Variants in VWA8 observed in about 807,000 individuals in gnomAD.
VWA8 encodes von Willebrand factor A domain-containing protein 8.
In VWA8, 221 loss-of-function variants were observed where a neutral mutation model predicts 241.5. The observed-to-expected ratio is 0.91, with a 90% confidence interval of 0.82 to 1.02. The LOEUF (loss-of-function observed/expected upper bound fraction) is 1.02, where lower values mean the gene tolerates loss of function less well. Among genes scored for constraint, VWA8 ranks in the 50% least tolerant of loss-of-function variants. The pLI is 0.00. For synonymous variants in VWA8, 852 were observed against 827.1 expected (o/e 1.03, Z -0.52); for missense variants, 2,322 against 2,328.7 (o/e 1.00, Z 0.06).
intron 21 of VWA8, among the ~76,000 whole-genome samples, chr13:41,737,783 A>G (rs993235305): frequency 2.0e-5 from 3 of 152,180 alleles, no homozygotes; most frequent in Non-Finnish European, 4.4e-5. Context: ...TTGTATTCGT[A>G]AGGTATAACA....
At chr13:41,670,330 AT>A (rs2137798201) in intron 37 of VWA8, among the ~76,000 whole-genome samples, 1 of 151,218 alleles carries the variant, frequency 6.6e-6, no homozygotes, top group Admixed American at 6.6e-5. Flanking sequence ...CAGCAACTAG[AT>A]TGATTAGATG....
At chr13:41,828,653 TAC>T (rs1455405398) in intron 14 of VWA8, among the ~76,000 whole-genome samples, 1 of 152,116 alleles carries the variant, frequency 6.6e-6, no homozygotes, top group Non-Finnish European at 1.5e-5. Flanking sequence ...TGTCTGTTTA[TAC>T]ACACACACAT....
At chr13:41,821,302 G>A (rs1269223667) in intron 14 of VWA8, among the ~76,000 whole-genome samples, 1 of 152,188 alleles carries the variant, frequency 6.6e-6, no homozygotes, top group African/African-American at 2.4e-5. Context: ...CAGCTGATAT[G>A]TTAGGCAGAG....
At chr13:41,888,800 T>C (rs1441357284) in intron 5 of VWA8, among the ~76,000 whole-genome samples, 4 of 152,320 alleles carry the variant, frequency 2.6e-5, no homozygotes, top group South Asian at 2.1e-4. Flanking sequence ...TGTTGACTGA[T>C]TGCATGAACT....
At chr13:41,831,409 G>A (rs145413271) in intron 13 of VWA8, among the ~76,000 whole-genome samples, 84 of 152,230 alleles carry the variant, frequency 5.5e-4, no homozygotes, top group South Asian at 1.7e-3. Context: ...CTAAACTCTC[G>A]TCTTCCATAA....
chr13:41,888,661 TTTTAC>T (rs1438759944), intron 5 of VWA8, among the ~76,000 whole-genome samples: 5 of 152,184 alleles, frequency 3.3e-5, no homozygotes, highest in Non-Finnish European at 2.9e-5. Flanking sequence ...TTTTGTACCC[TTTTAC>T]TTTATCTTAT....
At chr13:41,831,721 G>A (rs550870093) in intron 13 of VWA8, among the ~76,000 whole-genome samples, 2 of 148,142 alleles carry the variant, frequency 1.4e-5, no homozygotes, top group African/African-American at 2.5e-5. Context: ...CTGGGTTCAA[G>A]CTATTCTCCT....
intron 37 of VWA8, among the ~76,000 whole-genome samples, chr13:41,648,071 T>C (rs1376280619): frequency 1.3e-5 from 2 of 152,086 alleles, no homozygotes; most frequent in African/African-American, 4.8e-5. Flanking sequence ...AAATATTAAA[T>C]GATGCATGTC....
At chr13:41,622,207 C>A (rs2044661413) in intron 37 of VWA8, among the ~76,000 whole-genome samples, 1 of 152,130 alleles carries the variant, frequency 6.6e-6, no homozygotes, top group African/African-American at 2.4e-5. Context: ...GACAATGATT[C>A]ATAAAAGATG....
At chr13:41,734,557 A>G (rs2045510730) in intron 21 of VWA8, among the ~76,000 whole-genome samples, 2 of 152,222 alleles carry the variant, frequency 1.3e-5, no homozygotes, top group Admixed American at 1.3e-4. Flanking sequence ...TGGCAATACA[A>G]TTATTGACAT....
chr13:41,918,259 T>A (rs1876352248), intron 2 of VWA8, among the ~76,000 whole-genome samples: 1 of 152,220 alleles, frequency 6.6e-6, no homozygotes, highest in Non-Finnish European at 1.5e-5. Flanking sequence ...AGTGGGCTGA[T>A]GTTTCTATGA....
At chr13:41,886,293 G>A (rs963538375) in intron 7 of VWA8, among the ~76,000 whole-genome samples, 17 of 151,748 alleles carry the variant, frequency 1.1e-4, no homozygotes, top group Admixed American at 2.6e-4. Flanking sequence ...CTCACATTTC[G>A]TAATCCCAAA....
chr13:41,855,936 A>G (rs1872729307), intron 12 of VWA8, among the ~76,000 whole-genome samples: 1 of 152,224 alleles, frequency 6.6e-6, no homozygotes. Context: ...CAAAGACTGC[A>G]TGATCCACAA....
intron 37 of VWA8, among the ~76,000 whole-genome samples, chr13:41,651,711 G>GT (rs1274524915): frequency 3.3e-5 from 5 of 151,898 alleles, no homozygotes; most frequent in East Asian, 1.9e-4. Context: ...AACTGTTAAA[G>GT]TTTTTTTTCC....
At chr13:41,780,030 T>A (rs1458995892) in intron 19 of VWA8, among the ~76,000 whole-genome samples, 1 of 152,174 alleles carries the variant, frequency 6.6e-6, no homozygotes, top group African/African-American at 2.4e-5. Flanking sequence ...TCCCTAACAA[T>A]TTCTCCCATA....
intron 13 of VWA8, among the ~76,000 whole-genome samples, chr13:41,832,743 C>T (rs1462341486): frequency 6.6e-6 from 1 of 152,082 alleles, no homozygotes; most frequent in Non-Finnish European, 1.5e-5. Flanking sequence ...ACAAAAGTTA[C>T]ACACGAAGAG....
At chr13:41,885,884 AT>A (rs1285565802) in intron 8 of VWA8, 35 bp downstream of exon 8, 2 of 1,452,218 alleles carry the variant, frequency 1.4e-6, no homozygotes, top group Non-Finnish European at 1.9e-6. Flanking sequence ...TTTTTAACAT[AT>A]TTGGGTATGC....
At position 41,840,290 on chromosome 13, in the gene VWA8, C is replaced by T. The variant is rs143400681; in HGVS notation, c.1426-6759G>A. Among the ~76,000 whole-genome samples, 1,393 of 152,040 alleles carry T rather than the reference C, an allele frequency of 9.2e-3. 31 individuals are homozygous for T. The highest frequency in any genetic ancestry group is 0.03 in the African/African-American group (1,252 of 41,454). On this transcript the variant is annotated intron_variant, in intron 12 of 44. Coordinates refer to ENST00000379310, the MANE Select transcript of VWA8 (RefSeq NM_015058.2). ...GACCACATGGACACAGGGAGGAGAA[C>T]ATCACACACTGGGGCCTGTCTGGGG...
chr13:41,635,455 A>C (rs553078505), intron 37 of VWA8, among the ~76,000 whole-genome samples: 45 of 152,188 alleles, frequency 3.0e-4, no homozygotes, highest in Non-Finnish European at 6.0e-4. Flanking sequence ...TTTAAAAACT[A>C]TGTCCATACG....
Sources: allele counts gnomAD v4.1 joint callset (sites outside exome capture counted in the v4.1 genomes callset), GRCh38; gene constraint gnomAD v4.1.1; transcripts MANE v1.5; gene names NCBI Gene and HGNC (gene_info 2026-07-23, HGNC 2026-07-21).